The following TM9SF4 variants were observed in gnomAD, a reference collection of about 807,000 sequenced individuals.
TM9SF4 encodes the protein transmembrane 9 superfamily member 4.
In TM9SF4, 26 loss-of-function variants were observed where a neutral mutation model predicts 90.4. The ratio of observed to expected loss-of-function variants is 0.29; its 90% CI spans 0.21 to 0.40. The LOEUF is 0.40. Ranked by LOEUF, TM9SF4 falls within the 10% of genes least tolerant of loss-of-function variation. The probability of loss-of-function intolerance (pLI) is 1.00; values close to 1 mark genes in which losing one functional copy is unlikely to be tolerated. For synonymous variants in TM9SF4, 293 were observed against 315.4 expected (o/e 0.93, Z 0.75); for missense variants, 549 against 834.8 (o/e 0.66, Z 4.22).
At chr20:32,143,128 A>G (rs201480338) in intron 6 of TM9SF4, 23 bp downstream of exon 6, 4 of 1,610,436 alleles carry the variant, frequency 2.5e-6, no homozygotes, top group East Asian at 2.2e-5. Context: ...GTGTGGCCGG[A>G]GGGGCAGGGC....
At chr20:32,136,925 G>C (rs1486571195) in intron 3 of TM9SF4, 1 of 471,186 alleles carries the variant, frequency 2.1e-6, no homozygotes, top group Non-Finnish European at 4.4e-6. Flanking sequence ...TGAAAGGGCT[G>C]CCTTCTCCGT....
intron 2 of TM9SF4, 115 bp downstream of exon 2, chr20:32,133,241 AC>A (rs1292005948): frequency 8.4e-6 from 7 of 836,958 alleles, no homozygotes; most frequent in Admixed American, 2.8e-5. Context: ...AGTGCCAGTT[AC>A]CCCGGAACTC....
intron 1 of TM9SF4, among the ~76,000 whole-genome samples, chr20:32,113,587 A>G (rs1244575227): frequency 1.6e-5 from 2 of 127,036 alleles, no homozygotes; most frequent in Non-Finnish European, 3.4e-5. Flanking sequence ...TAGAAACTTC[A>G]GTTTGGAGAA....
chr20:32,124,764 T>C (rs1286410756), intron 1 of TM9SF4, among the ~76,000 whole-genome samples: 3 of 152,058 alleles, frequency 2.0e-5, no homozygotes, highest in African/African-American at 7.3e-5. Flanking sequence ...TTTTTGTATT[T>C]TTAGTAGAGA....
At chr20:32,159,007 G>A (rs549838379) in intron 15 of TM9SF4, 1 of 154,054 alleles carries the variant, frequency 6.5e-6, no homozygotes, top group Non-Finnish European at 1.4e-5. Context: ...ATTTAAATGA[G>A]ATATGTGGTG....
At chr20:32,138,038 G>T (rs1241443454) in intron 3 of TM9SF4, among the ~76,000 whole-genome samples, 1 of 152,212 alleles carries the variant, frequency 6.6e-6, no homozygotes, top group East Asian at 1.9e-4. Context: ...AGAGGGAACA[G>T]CAGCCTCAAG....
Position 32,156,787 on chromosome 20 carries a change from T to G in TM9SF4, c.1330-1007T>G, listed in dbSNP as rs148644218. 6.6e-5 allele frequency among the ~76,000 whole-genome samples: 10 copies of G among 151,890 alleles called. No individual in the cohort carries two copies. The East Asian group carries it at 1.9e-3, about 29-fold the overall frequency. ...ACACTCGGCAATTAAAAAAAAAAAT[T>G]GTAGAGATACAGTCTCACTGTGTTG... On this transcript the variant is annotated intron_variant, in intron 13 of 17. Coordinates refer to ENST00000398022, the MANE Select transcript of TM9SF4 (RefSeq NM_014742.4).
At chr20:32,116,258 T>C (rs546649893) in intron 1 of TM9SF4, 1 of 152,370 alleles carries the variant, frequency 6.6e-6, no homozygotes, top group South Asian at 2.1e-4. Flanking sequence ...AAGGGATTGT[T>C]GTGATGATTA....
chr20:32,164,646 T>C (rs1169805336), intron 17 of TM9SF4, among the ~76,000 whole-genome samples: 1 of 152,228 alleles, frequency 6.6e-6, no homozygotes, highest in Non-Finnish European at 1.5e-5. Context: ...TCTTCTGGGC[T>C]ACTGGCATTC....
intron 9 of TM9SF4, 123 bp from the exon 10 acceptor site, chr20:32,149,511 A>G (rs1224959096): frequency 1.6e-6 from 2 of 1,276,974 alleles, no homozygotes; most frequent in Non-Finnish European, 2.2e-6. Flanking sequence ...CCTATCACTT[A>G]CACTCCTGTG....
At chr20:32,146,939 C>A in intron 9 of TM9SF4, 84 bp downstream of exon 9, 10 of 1,257,786 alleles carry the variant, frequency 8.0e-6, no homozygotes, top group Non-Finnish European at 1.0e-5. Flanking sequence ...TGTATATTAT[C>A]ATTCAAAGAG....
At chr20:32,134,118 G>A (rs1044443301) in intron 2 of TM9SF4, among the ~76,000 whole-genome samples, 5 of 151,808 alleles carry the variant, frequency 3.3e-5, no homozygotes, top group African/African-American at 1.2e-4. Context: ...CCCAGCCCAA[G>A]ACCCCATCTC....
intron 8 of TM9SF4, 62 bp downstream of exon 8, chr20:32,145,485 A>G: frequency 6.9e-7 from 1 of 1,454,748 alleles, no homozygotes; most frequent in South Asian, 1.1e-5. Context: ...CTGAGACATC[A>G]CATCATGTAT....
At chr20:32,157,362 A>G (rs965548663) in intron 13 of TM9SF4, among the ~76,000 whole-genome samples, 1 of 152,214 alleles carries the variant, frequency 6.6e-6, no homozygotes, top group Non-Finnish European at 1.5e-5. Flanking sequence ...TTCTATACAC[A>G]TAGTTTATAG....
chr20:32,144,416 G>T (rs2046729564), intron 6 of TM9SF4, among the ~76,000 whole-genome samples: 1 of 152,220 alleles, frequency 6.6e-6, no homozygotes, highest in African/African-American at 2.4e-5. Flanking sequence ...TAGACTAAAT[G>T]AATGAGTAGG....
chr20:32,149,437 C>T (rs2046809504), intron 9 of TM9SF4, among the ~76,000 whole-genome samples, 197 bp from the exon 10 acceptor site: 2 of 152,196 alleles, frequency 1.3e-5, no homozygotes, highest in African/African-American at 4.8e-5. Context: ...TTTCCTTTTA[C>T]GCATCTACAG....
rs2046967015 is a variant in TM9SF4, at chr20:32,158,626, C to T, written c.1569+112C>T. ...AGAAAGTTCAGATGGGCCACTTCAC[C>T]TCTCGGAGCCCCATTCTTCACCCTG... On this transcript the variant is annotated intron_variant, in intron 15 of 17. Coordinates refer to ENST00000398022, the MANE Select transcript of TM9SF4 (RefSeq NM_014742.4). The T allele has an allele frequency of 4.9e-6, 5 of 1,021,812 alleles. No homozygotes were observed. In the African/African-American group the frequency reaches 6.3e-5, roughly 13 times the overall value. 63.3% of individuals were successfully genotyped at this position (1,021,812 alleles called of 1,614,324 possible). A position where few individuals can be genotyped will look rare whatever the true frequency, so the allele number is the denominator to read the frequency against.
At chr20:32,161,236 G>A (rs1264450319) in intron 16 of TM9SF4, 40 bp from the exon 17 acceptor site, 3 of 1,582,218 alleles carry the variant, frequency 1.9e-6, no homozygotes, top group East Asian at 4.5e-5. Context: ...AAGGGGTTCT[G>A]CCCCAGGACA....
chr20:32,122,090 C>A (rs1269128047), intron 1 of TM9SF4, among the ~76,000 whole-genome samples: 1 of 140,884 alleles, frequency 7.1e-6, no homozygotes, highest in Non-Finnish European at 1.5e-5. Context: ...TCCTCACTTC[C>A]CAGTAGGGGC....
Sources: gnomAD v4.1 joint callset for allele counts (sites outside exome capture counted in the v4.1 genomes callset) on GRCh38, gnomAD v4.1.1 for gene constraint, MANE v1.5 for transcripts, NCBI Gene and HGNC (gene_info 2026-07-23, HGNC 2026-07-21) for gene names.